Variants in LRFN2 observed in about 807,000 individuals in gnomAD.
The protein encoded by LRFN2 is leucine rich repeat and fibronectin type III domain containing 2.
LRFN2 carries 18 observed loss-of-function variants against 37.3 expected under a neutral mutation model. That is an observed-to-expected ratio of 0.48 (90% CI 0.33 to 0.72). LRFN2 has a LOEUF of 0.72. Among genes scored for constraint, LRFN2 ranks in the 30% least tolerant of loss-of-function variants. The probability of loss-of-function intolerance (pLI) is 0.02; values close to 1 mark genes in which losing one functional copy is unlikely to be tolerated. For synonymous variants in LRFN2, 556 were observed against 466.6 expected, an observed-to-expected ratio of 1.19 and a Z score of -2.47; for missense variants, 1,006 against 1,060.7, an observed-to-expected ratio of 0.95 and a Z score of 0.72.
intron 1 of LRFN2, among the ~76,000 whole-genome samples, chr6:40,472,043 T>C (rs772926109): frequency 7.9e-5 from 12 of 152,170 alleles, no homozygotes; most frequent in Non-Finnish European, 1.3e-4. Flanking sequence ...CCAGCCCCAC[T>C]TGCAGGGTCC....
At position 40,453,554 on chromosome 6, in the gene LRFN2, A is replaced by ACACACACACC. The variant is rs537437565; in HGVS notation, c.-18-20424_-18-20423insGGTGTGTGTG. Reference sequence around the variant, plus strand: ...CACACACACACACACACACACACACACCTCCCTTTGAGTTGACTTTGCAAA... The same window carrying ACACACACACC: ...CACACACACACACACACACACACACACACACACACCCCTCCCTTTGAGTTGACTTTGCAAA... On this transcript the variant is annotated intron_variant, in intron 1 of 2. Transcript: ENST00000338305. 1.1e-4 allele frequency among the ~76,000 whole-genome samples: 14 copies of ACACACACACC among 128,426 alleles called. 1 individual carries two copies. Among genetic ancestry groups the ACACACACACC allele is most frequent in the South Asian group, 5.0e-4 (2 of 4,022 alleles). 84.3% of individuals were successfully genotyped at this position (128,426 alleles called of 152,430 possible). A position where few individuals can be genotyped will look rare whatever the true frequency, so the allele number is the denominator to read the frequency against.
intron 1 of LRFN2, among the ~76,000 whole-genome samples, chr6:40,523,663 A>T (rs1344770548): frequency 6.6e-6 from 1 of 152,078 alleles, no homozygotes; most frequent in Non-Finnish European, 1.5e-5. Context: ...GGCATGTATG[A>T]TTGCACCAGA....
intron 1 of LRFN2, among the ~76,000 whole-genome samples, chr6:40,519,427 AC>A (rs1765985140): frequency 6.6e-6 from 1 of 152,134 alleles, no homozygotes; most frequent in South Asian, 2.1e-4. Flanking sequence ...CAGAGAATAC[AC>A]CCCTTGACTT....
intron 1 of LRFN2, among the ~76,000 whole-genome samples, chr6:40,534,745 T>C (rs1766418548): frequency 6.6e-6 from 1 of 152,136 alleles, no homozygotes. Flanking sequence ...TCTCCCCAGG[T>C]CTCTGGGCCC....
chr6:40,513,662 A>G (rs1765777420), intron 1 of LRFN2, among the ~76,000 whole-genome samples: 1 of 152,222 alleles, frequency 6.6e-6, no homozygotes, highest in Non-Finnish European at 1.5e-5. Flanking sequence ...GAACAAACCA[A>G]TTAAGTTAAC....
chr6:40,432,340 C>T lies in LRFN2; in HGVS notation c.774G>A (p.Arg258=). Residue 258 remains arginine, a synonymous_variant, in exon 2 of 3, where the codon CGG becomes CGA. Transcript: ENST00000338305. ...AGCCACAGGTTTCCAGGTCATCGTC[C>T]CGCTCGAGCCTCCGCAGCCAGAGAA... ...CELLWLRRLE[R]DDDLETCGSP... The T allele has an allele frequency of 3.1e-6, 5 of 1,614,170 alleles. No individual in the cohort carries two copies.
intron 1 of LRFN2, among the ~76,000 whole-genome samples, chr6:40,579,316 C>T (rs1458545883): frequency 1.3e-5 from 2 of 152,286 alleles, no homozygotes; most frequent in Non-Finnish European, 2.9e-5. Flanking sequence ...CATAAGTCCT[C>T]AGGCAAGGAG....
intron 1 of LRFN2, among the ~76,000 whole-genome samples, chr6:40,503,648 G>C (rs1166999549): frequency 6.6e-6 from 1 of 152,148 alleles, no homozygotes; most frequent in Admixed American, 6.5e-5. Context: ...GGAAATGAAG[G>C]CCAAGAACAG....
At chr6:40,572,579 C>G (rs1317678983) in intron 1 of LRFN2, among the ~76,000 whole-genome samples, 3 of 152,260 alleles carry the variant, frequency 2.0e-5, no homozygotes, top group Non-Finnish European at 4.4e-5. Context: ...GCCCAGCAGG[C>G]TGCCTGGGTT....
At chr6:40,424,771 A>C (rs1489650398) in intron 2 of LRFN2, among the ~76,000 whole-genome samples, 2 of 152,132 alleles carry the variant, frequency 1.3e-5, no homozygotes, top group Non-Finnish European at 2.9e-5. Flanking sequence ...GAGTCAAAGA[A>C]TCTTCTCTCA....
intron 1 of LRFN2, among the ~76,000 whole-genome samples, chr6:40,529,325 G>A (rs1303868679): frequency 6.6e-6 from 1 of 152,172 alleles, no homozygotes; most frequent in Non-Finnish European, 1.5e-5. Context: ...CAACTCAGTA[G>A]GAGGTTTGGG....
chr6:40,468,294 A>G (rs1764518741), intron 1 of LRFN2, among the ~76,000 whole-genome samples: 1 of 152,134 alleles, frequency 6.6e-6, no homozygotes. Context: ...TAGATGATCC[A>G]GGCCTCATTA....
At chr6:40,567,959 G>A (rs1365259666) in intron 1 of LRFN2, among the ~76,000 whole-genome samples, 3 of 152,180 alleles carry the variant, frequency 2.0e-5, no homozygotes, top group Admixed American at 1.3e-4. Flanking sequence ...CTCAAGAACT[G>A]GAATGCCCAA....
intron 1 of LRFN2, among the ~76,000 whole-genome samples, chr6:40,438,209 C>T (rs529352333): frequency 3.4e-4 from 51 of 151,906 alleles, no homozygotes; most frequent in South Asian, 1.0e-3. Flanking sequence ...CTCCCCAAAC[C>T]GAACCTACAC....
At chr6:40,547,224 C>T (rs527500387) in intron 1 of LRFN2, among the ~76,000 whole-genome samples, 2 of 152,004 alleles carry the variant, frequency 1.3e-5, no homozygotes, top group East Asian at 1.9e-4. Context: ...CCTGTCTCAG[C>T]CTCCCGAGTA....
intron 1 of LRFN2, among the ~76,000 whole-genome samples, chr6:40,556,123 A>T (rs1340833546): frequency 6.6e-6 from 1 of 152,166 alleles, no homozygotes; most frequent in African/African-American, 2.4e-5. Flanking sequence ...CCCCCGCACC[A>T]TGCTGCAGTC....
At chr6:40,488,679 C>T (rs928942585) in intron 1 of LRFN2, among the ~76,000 whole-genome samples, 1 of 152,166 alleles carries the variant, frequency 6.6e-6, no homozygotes, top group Non-Finnish European at 1.5e-5. Flanking sequence ...CCAGGAAGCC[C>T]TCCATGATCC....
intron 1 of LRFN2, among the ~76,000 whole-genome samples, chr6:40,583,965 T>C (rs1199564759): frequency 6.6e-6 from 1 of 152,196 alleles, no homozygotes; most frequent in African/African-American, 2.4e-5. Context: ...CCCCACTTCC[T>C]GAGCAAATGT....
chr6:40,477,898 A>G (rs1764743060), intron 1 of LRFN2, among the ~76,000 whole-genome samples: 1 of 152,210 alleles, frequency 6.6e-6, no homozygotes, highest in Non-Finnish European at 1.5e-5. Flanking sequence ...TGTTTAATTT[A>G]TCAGACAATG....
Sources: allele counts gnomAD v4.1 joint callset (sites outside exome capture counted in the v4.1 genomes callset), GRCh38; gene constraint gnomAD v4.1.1; transcripts MANE v1.5; gene names NCBI Gene and HGNC (gene_info 2026-07-23, HGNC 2026-07-21).